The following ACTR3C variants were observed in gnomAD, a reference collection of about 807,000 sequenced individuals.
The protein encoded by ACTR3C is actin related protein 3C.
In ACTR3C, 18 loss-of-function variants were observed where a neutral mutation model predicts 26.3. That is an observed-to-expected ratio of 0.68 (90% CI 0.47 to 1.01). The LOEUF is 1.01. Ranked by LOEUF, ACTR3C falls within the 50% of genes least tolerant of loss-of-function variation. ACTR3C has a pLI of 0.00. For synonymous variants in ACTR3C, 55 were observed against 94.5 expected, an observed-to-expected ratio of 0.58 and a Z score of 2.42; for missense variants, 184 against 250.7, an observed-to-expected ratio of 0.73 and a Z score of 1.80.
At position 150,289,568 on chromosome 7, in the gene ACTR3C, C is replaced by A. The variant is rs1836060189; in HGVS notation, c.179G>T (p.Cys60Phe). 2 of 1,591,150 alleles carry A rather than the reference C, an allele frequency of 1.3e-6. No individual in the cohort carries two copies. The highest frequency in any genetic ancestry group is 1.7e-5 in the Admixed American group (1 of 58,902). ...ACCTGCAATCGGGATGTGTTTGATG[C>A]AGCTTCCAATTACATAACCTTCTGC... ...PVAEGYVIGS[C>F]IKHIPIAGRD... Residue 60 changes from cysteine to phenylalanine, a missense_variant, in exon 4 of 8, where the codon TGC (cysteine) becomes TTC (phenylalanine). Physicochemically the swap from Cys to Phe is radical, Grantham distance 205. Transcript: ENST00000683684.
chr7:150,184,915 ACTAAATGGATT>A, the ACTR3C span, among the ~76,000 whole-genome samples: 3 of 149,596 alleles, frequency 2.0e-5, no homozygotes, highest in Non-Finnish European at 4.4e-5. Flanking sequence ...CTTCATGGGA[ACTAAATGGATT>A]CTGTTATTCT....
At chr7:150,178,730 C>T in the ACTR3C span, among the ~76,000 whole-genome samples, 1 of 150,722 alleles carries the variant, frequency 6.6e-6, no homozygotes, top group Admixed American at 6.6e-5. Flanking sequence ...CCAATGTTGA[C>T]TGTGAGATGT....
At chr7:150,157,813 T>G in the ACTR3C span, among the ~76,000 whole-genome samples, 1 of 152,128 alleles carries the variant, frequency 6.6e-6, no homozygotes, top group Admixed American at 6.5e-5. Context: ...CATTCAGTCA[T>G]CAATCCCGCT....
chr7:150,043,742 A>C, the ACTR3C span, among the ~76,000 whole-genome samples: 1 of 152,232 alleles, frequency 6.6e-6, no homozygotes, highest in Non-Finnish European at 1.5e-5. Flanking sequence ...ACTTTTTCTC[A>C]TTTATTAGGA....
At chr7:150,195,581 A>T in the ACTR3C span, among the ~76,000 whole-genome samples, 1 of 151,730 alleles carries the variant, frequency 6.6e-6, no homozygotes. Flanking sequence ...CCTTTCAAAA[A>T]GATCACTTCA....
At chr7:150,010,349 G>C in the ACTR3C span, among the ~76,000 whole-genome samples, 1 of 152,166 alleles carries the variant, frequency 6.6e-6, no homozygotes, top group Non-Finnish European at 1.5e-5. Context: ...CATTTCATTT[G>C]ATAACAGTCC....
chr7:150,318,502 G>A (rs1173896011), intron 1 of ACTR3C, among the ~76,000 whole-genome samples: 2 of 152,158 alleles, frequency 1.3e-5, no homozygotes, highest in African/African-American at 4.8e-5. Context: ...GGTGGCTCAC[G>A]CCTGTAATCC....
At chr7:149,955,513 T>G in the ACTR3C span, among the ~76,000 whole-genome samples, 1 of 152,048 alleles carries the variant, frequency 6.6e-6, no homozygotes, top group African/African-American at 2.4e-5. Flanking sequence ...CTTCACTGCC[T>G]CCACCTGTGC....
chr7:150,080,360 G>A, the ACTR3C span, among the ~76,000 whole-genome samples: 1 of 150,824 alleles, frequency 6.6e-6, no homozygotes, highest in Non-Finnish European at 1.5e-5. Flanking sequence ...ACATCCCACA[G>A]TGGGACTTCT....
chr7:149,944,577 T>C, the ACTR3C span, among the ~76,000 whole-genome samples: 7 of 150,278 alleles, frequency 4.7e-5, no homozygotes, highest in East Asian at 1.4e-3. Flanking sequence ...AATGTGAAGA[T>C]ACACCAGTTA....
At chr7:150,201,593 CAA>C in the ACTR3C span, among the ~76,000 whole-genome samples, 4 of 119,392 alleles carry the variant, frequency 3.4e-5, no homozygotes, top group Non-Finnish European at 5.6e-5. Context: ...AGTAAAAATA[CAA>C]AAAAAAAAAA....
the ACTR3C span, among the ~76,000 whole-genome samples, chr7:149,991,429 C>T: frequency 6.6e-6 from 1 of 152,182 alleles, no homozygotes; most frequent in Non-Finnish European, 1.5e-5. Flanking sequence ...TGAGGAAAGG[C>T]TGGTCGTTAT....
chr7:150,083,269 C>T, the ACTR3C span, among the ~76,000 whole-genome samples: 1 of 151,706 alleles, frequency 6.6e-6, no homozygotes, highest in African/African-American at 2.4e-5. Flanking sequence ...TTGAAATATA[C>T]AATAAATTAT....
chr7:149,921,551 G>A, the ACTR3C span, among the ~76,000 whole-genome samples: 1 of 151,980 alleles, frequency 6.6e-6, no homozygotes, highest in Non-Finnish European at 1.5e-5. Context: ...AGCTCGTGTT[G>A]TCTAAATTTA....
At chr7:150,184,985 G>A in the ACTR3C span, among the ~76,000 whole-genome samples, 2 of 151,098 alleles carry the variant, frequency 1.3e-5, no homozygotes, top group Admixed American at 1.3e-4. Context: ...GAGAGCAGAA[G>A]GATGAGAGGA....
chr7:149,973,472 A>G, the ACTR3C span, among the ~76,000 whole-genome samples: 3 of 152,236 alleles, frequency 2.0e-5, no homozygotes, highest in Admixed American at 6.5e-5. Flanking sequence ...AAGAGCTTTC[A>G]GATTGAGCTT....
chr7:150,159,718 G>C, the ACTR3C span, among the ~76,000 whole-genome samples: 1 of 152,186 alleles, frequency 6.6e-6, no homozygotes, highest in African/African-American at 2.4e-5. Flanking sequence ...TTTCTACGAT[G>C]CCTTGCATTT....
the ACTR3C span, among the ~76,000 whole-genome samples, chr7:150,151,742 G>T: frequency 5.3e-5 from 5 of 94,078 alleles, no homozygotes; most frequent in South Asian, 7.0e-4. Flanking sequence ...GTTGTGGGGT[G>T]GGGGGAGGGA....
chr7:149,904,918 C>T, the ACTR3C span, among the ~76,000 whole-genome samples: 4 of 151,484 alleles, frequency 2.6e-5, no homozygotes, highest in South Asian at 2.1e-4. Flanking sequence ...TCCAGCTACT[C>T]GGGAGGCTGA....
Sources: allele counts gnomAD v4.1 joint callset (sites outside exome capture counted in the v4.1 genomes callset), GRCh38; gene constraint gnomAD v4.1.1; transcripts MANE v1.5; gene names NCBI Gene and HGNC (gene_info 2026-07-23, HGNC 2026-07-21).